Variants in CTNNBL1 observed in about 807,000 individuals in gnomAD.
The protein encoded by CTNNBL1 is beta-catenin-like protein 1.
In CTNNBL1, 31 loss-of-function variants were observed where a neutral mutation model predicts 72.7. The ratio of observed to expected loss-of-function variants is 0.43; its 90% CI spans 0.32 to 0.58. CTNNBL1 has a LOEUF of 0.58. CTNNBL1 is among the 20% of genes least tolerant of loss of function. The pLI is 0.08. For missense variants in CTNNBL1, 534 were observed against 725.1 expected (o/e 0.74, Z 3.03); for synonymous variants, 240 against 267.3 (o/e 0.90, Z 1.00).
intron 15 of CTNNBL1, among the ~76,000 whole-genome samples, chr20:37,867,232 A>G (rs557183844): frequency 3.9e-5 from 6 of 152,276 alleles, no homozygotes; most frequent in South Asian, 4.1e-4. Flanking sequence ...TACATCTTCA[A>G]GGGTTTTCAA....
intron 1 of CTNNBL1, among the ~76,000 whole-genome samples, chr20:37,725,876 T>C (rs1370082742): frequency 1.3e-5 from 2 of 151,604 alleles, no homozygotes; most frequent in Non-Finnish European, 2.9e-5. Flanking sequence ...CCCAGCTACT[T>C]AGGAGGTTGA....
At chr20:37,702,569 G>A (rs1045031172) in intron 1 of CTNNBL1, among the ~76,000 whole-genome samples, 3 of 152,150 alleles carry the variant, frequency 2.0e-5, no homozygotes, top group African/African-American at 7.2e-5. Flanking sequence ...TTTGTTGGAA[G>A]TGTGACTCTA....
rs11905689 is a variant in CTNNBL1 at position 37,767,804 on chromosome 20, T to C, written c.659-149T>C. ...GAAGAAGAAAACCACAGCAACTCCCTGGTTAATCTGAAAATGACAACCCAG... is the reference window on the plus strand; with the variant it reads ...GAAGAAGAAAACCACAGCAACTCCCCGGTTAATCTGAAAATGACAACCCAG... On this transcript the variant is annotated intron_variant, in intron 6 of 15. Transcript: ENST00000361383. 2.2e-3 allele frequency: 1,381 copies of C among 641,602 alleles called. 19 individuals carry two copies. The highest frequency in any genetic ancestry group is 0.021 in the African/African-American group (1,139 of 55,558). The allele number at this position is 641,602 out of a possible 1,614,324, so 39.7% of individuals were successfully genotyped here.
chr20:37,851,529 T>A (rs2122840079), intron 13 of CTNNBL1, among the ~76,000 whole-genome samples: 1 of 152,354 alleles, frequency 6.6e-6, no homozygotes, highest in East Asian at 1.9e-4. Flanking sequence ...ATGCTAATAC[T>A]ATGAAAAGTC....
intron 2 of CTNNBL1, among the ~76,000 whole-genome samples, chr20:37,735,640 G>T (rs1231123049): frequency 6.6e-6 from 1 of 152,182 alleles, no homozygotes; most frequent in Non-Finnish European, 1.5e-5. Context: ...GGAGGTAGGG[G>T]TTCAATAGAG....
chr20:37,694,324 C>T (rs1336988597), intron 1 of CTNNBL1, among the ~76,000 whole-genome samples, 172 bp downstream of exon 1: 2 of 152,226 alleles, frequency 1.3e-5, no homozygotes, highest in Admixed American at 1.3e-4. Flanking sequence ...CCCTCCTGGG[C>T]CCTTTCGATT....
At chr20:37,774,114 A>G (rs912616094) in intron 7 of CTNNBL1, among the ~76,000 whole-genome samples, 3 of 151,690 alleles carry the variant, frequency 2.0e-5, no homozygotes, top group Non-Finnish European at 4.4e-5. Flanking sequence ...AGGTCTCACT[A>G]TGTTGCCCAG....
In CTNNBL1 at chr20:37,779,855, T is replaced by C. The variant is rs1183337085; in HGVS notation, c.1031+520T>C. 2.0e-5 allele frequency among the ~76,000 whole-genome samples: 3 copies of C among 152,284 alleles called. No individual in the cohort carries two copies. The East Asian group carries it at 5.8e-4, about 29-fold the overall frequency. On this transcript the variant is annotated intron_variant, in intron 10 of 15. Coordinates refer to ENST00000361383, the MANE Select transcript of CTNNBL1 (RefSeq NM_030877.5). ...CTAGAAACTTTTATTTATAGTACTT[T>C]CCTTGTGTGTCTTATTATTTATACG...
At chr20:37,814,892 A>C (rs529567226) in intron 11 of CTNNBL1, among the ~76,000 whole-genome samples, 1 of 152,288 alleles carries the variant, frequency 6.6e-6, no homozygotes, top group African/African-American at 2.4e-5. Context: ...TTGGGGGAAG[A>C]CTTGTTCAAC....
At chr20:37,753,104 T>C (rs970768968) in intron 4 of CTNNBL1, among the ~76,000 whole-genome samples, 2 of 152,188 alleles carry the variant, frequency 1.3e-5, no homozygotes, top group African/African-American at 4.8e-5. Flanking sequence ...GGTCTTCAAA[T>C]GACCTCTGTC....
intron 11 of CTNNBL1, among the ~76,000 whole-genome samples, chr20:37,814,451 G>A (rs1190281087): frequency 6.6e-6 from 1 of 152,098 alleles, no homozygotes; most frequent in Non-Finnish European, 1.5e-5. Flanking sequence ...CTGATGCCCA[G>A]CACTGCTCAA....
intron 13 of CTNNBL1, among the ~76,000 whole-genome samples, chr20:37,858,773 A>G (rs2072464757): frequency 6.6e-6 from 1 of 152,186 alleles, no homozygotes; most frequent in South Asian, 2.1e-4. Context: ...AGGACTGGAT[A>G]TGAGGACAGC....
chr20:37,825,850 A>G (rs1568798188), intron 11 of CTNNBL1, among the ~76,000 whole-genome samples: 1 of 151,980 alleles, frequency 6.6e-6, no homozygotes, highest in Non-Finnish European at 1.5e-5. Context: ...CAGAATTAGC[A>G]TTTTTCCTCA....
chr20:37,700,475 A>T (rs552608137), intron 1 of CTNNBL1, among the ~76,000 whole-genome samples: 1 of 152,362 alleles, frequency 6.6e-6, no homozygotes, highest in East Asian at 1.9e-4. Flanking sequence ...TAAGCGCCTC[A>T]GTATATGCCG....
chr20:37,787,023 C>T (rs927824512), intron 10 of CTNNBL1, among the ~76,000 whole-genome samples: 1 of 151,562 alleles, frequency 6.6e-6, no homozygotes, highest in Non-Finnish European at 1.5e-5. Context: ...AAACATATTC[C>T]GTTCTTTTCT....
intron 7 of CTNNBL1, among the ~76,000 whole-genome samples, chr20:37,768,544 AAAC>A (rs2073492600): frequency 6.6e-6 from 1 of 152,222 alleles, no homozygotes; most frequent in South Asian, 2.1e-4. Flanking sequence ...GTAGTGTTAT[AAAC>A]AGTGCGGCTG....
chr20:37,766,056 T>C (rs2073465048), intron 6 of CTNNBL1, among the ~76,000 whole-genome samples: 1 of 152,206 alleles, frequency 6.6e-6, no homozygotes, highest in South Asian at 2.1e-4. Flanking sequence ...TAGATTTTTT[T>C]TTTTTAGCTT....
At chr20:37,780,165 AC>A (rs1050163058) in intron 10 of CTNNBL1, among the ~76,000 whole-genome samples, 1 of 151,690 alleles carries the variant, frequency 6.6e-6, no homozygotes, top group African/African-American at 2.4e-5. Context: ...AAAAAAAAAA[AC>A]AAGAAAAAAA....
At chr20:37,850,194 C>T (rs2072384068) in intron 13 of CTNNBL1, among the ~76,000 whole-genome samples, 1 of 44,646 alleles carries the variant, frequency 2.2e-5, no homozygotes, top group African/African-American at 1.0e-4. Flanking sequence ...AGTGAGCAGT[C>T]TGTTTTTTTT....
Sources: gnomAD v4.1 joint callset for allele counts (sites outside exome capture counted in the v4.1 genomes callset) on GRCh38, gnomAD v4.1.1 for gene constraint, MANE v1.5 for transcripts, NCBI Gene and HGNC (gene_info 2026-07-23, HGNC 2026-07-21) for gene names.